Variants in CACHD1 observed in about 807,000 individuals in gnomAD.
CACHD1 encodes the protein VWFA and cache domain-containing protein 1.
In CACHD1, 71 loss-of-function variants were observed where a neutral mutation model predicts 138.7. That is an observed-to-expected ratio of 0.51 (90% CI 0.42 to 0.62). CACHD1 has a LOEUF of 0.62. CACHD1 is among the 20% of genes least tolerant of loss of function. CACHD1 has a pLI of 0.00. For missense variants in CACHD1, 1,389 were observed against 1,625.3 expected, an observed-to-expected ratio of 0.85 and a Z score of 2.50; for synonymous variants, 578 against 591.5, an observed-to-expected ratio of 0.98 and a Z score of 0.33.
At chr1:64,662,694 A>G (rs1355523728) in intron 13 of CACHD1, among the ~76,000 whole-genome samples, 1 of 152,212 alleles carries the variant, frequency 6.6e-6, no homozygotes, top group Non-Finnish European at 1.5e-5. Context: ...TCAAAGACGA[A>G]GATTTAGTGT....
intron 4 of CACHD1, among the ~76,000 whole-genome samples, chr1:64,610,427 G>T (rs1276715263): frequency 1.3e-5 from 2 of 152,202 alleles, no homozygotes; most frequent in Non-Finnish European, 2.9e-5. Context: ...TTACTTCCTA[G>T]ATACAATGGG....
chr1:64,534,235 A>G (rs893224948), intron 1 of CACHD1, among the ~76,000 whole-genome samples: 3 of 151,516 alleles, frequency 2.0e-5, no homozygotes, highest in African/African-American at 7.3e-5. Context: ...GTAGAAACAG[A>G]GTTTCACCAT....
intron 3 of CACHD1, among the ~76,000 whole-genome samples, chr1:64,583,776 A>T (rs1647030291): frequency 6.6e-6 from 1 of 152,148 alleles, no homozygotes; most frequent in African/African-American, 2.4e-5. Flanking sequence ...GGCAGGAAAG[A>T]GTGTGTACAG....
intron 12 of CACHD1, among the ~76,000 whole-genome samples, chr1:64,656,573 A>G (rs1338858395): frequency 6.6e-6 from 1 of 152,150 alleles, no homozygotes; most frequent in Non-Finnish European, 1.5e-5. Context: ...AAATGTAGGC[A>G]TTTGTCTGAC....
chr1:64,690,943 T>C (rs988205740), intron 26 of CACHD1, among the ~76,000 whole-genome samples: 2 of 152,198 alleles, frequency 1.3e-5, no homozygotes, highest in African/African-American at 2.4e-5. Context: ...ATCTTTATCA[T>C]AGGTAAAAGT....
chr1:64,603,099 C>CTTTTTTTTTTTTTTTTTTTTTTTTTTTTT (rs34372401), intron 4 of CACHD1, among the ~76,000 whole-genome samples, 187 bp downstream of exon 4: 1 of 64,896 alleles, frequency 1.5e-5, no homozygotes. Context: ...AAGCTTACAT[C>CTTTTTTTTTTTTTTTTTTTTTTTTTTTTT]TTTTTTTTTT....
chr1:64,598,484 G>A (rs950479376), intron 3 of CACHD1, among the ~76,000 whole-genome samples: 2 of 152,150 alleles, frequency 1.3e-5, no homozygotes, highest in Non-Finnish European at 2.9e-5. Flanking sequence ...GCCCTTTCTC[G>A]TTACTCAGTC....
intron 4 of CACHD1, among the ~76,000 whole-genome samples, chr1:64,622,225 T>C (rs1009038528): frequency 1.3e-5 from 2 of 152,228 alleles, no homozygotes; most frequent in East Asian, 1.9e-4. Context: ...TTCTCAGTTA[T>C]ATAAAAACCC....
chr1:64,603,099 C>CTTTTTTTTTTTTTTTTTTTTTTT, intron 4 of CACHD1, among the ~76,000 whole-genome samples, 187 bp downstream of exon 4: 1 of 64,896 alleles, frequency 1.5e-5, no homozygotes, highest in Non-Finnish European at 3.0e-5. Flanking sequence ...AAGCTTACAT[C>CTTTTTTTTTTTTTTTTTTTTTTT]TTTTTTTTTT....
intron 1 of CACHD1, among the ~76,000 whole-genome samples, chr1:64,544,915 A>G (rs1455279267): frequency 1.3e-5 from 2 of 152,190 alleles, no homozygotes; most frequent in African/African-American, 4.8e-5. Context: ...CTGGAGAACT[A>G]AGCAATATTG....
At chr1:64,669,485 T>G (rs923573213) in intron 16 of CACHD1, among the ~76,000 whole-genome samples, 1 of 152,202 alleles carries the variant, frequency 6.6e-6, no homozygotes, top group Non-Finnish European at 1.5e-5. Flanking sequence ...CAGTTACTCA[T>G]AGTAAGCTTT....
chr1:64,517,835 A>G (rs1280944985), intron 1 of CACHD1, among the ~76,000 whole-genome samples: 1 of 152,176 alleles, frequency 6.6e-6, no homozygotes, highest in East Asian at 1.9e-4. Flanking sequence ...TTTACACTTG[A>G]AAAGTATATT....
rs187757948 is a variant in CACHD1, at chr1:64,529,728, A to G, written c.199-20866A>G. On this transcript the variant is annotated intron_variant, in intron 1 of 26. Coordinates refer to ENST00000651257, the MANE Select transcript of CACHD1 (RefSeq NM_020925.4). ...AGCAGAGCTGGGATTTGAATCCACA[A>G]CTGCCTTTGGTCCTTGTATCCATAT... Among the ~76,000 whole-genome samples, 34 of 152,292 alleles carry G rather than the reference A, an allele frequency of 2.2e-4. No individual in the cohort carries two copies. The East Asian group carries it at 5.8e-3, about 26-fold the overall frequency.
intron 8 of CACHD1, among the ~76,000 whole-genome samples, chr1:64,642,773 G>A (rs150537532): frequency 1.2e-4 from 18 of 150,532 alleles, no homozygotes; most frequent in East Asian, 2.0e-4. Context: ...GGCTGGACAC[G>A]GTGATTCACG....
At chr1:64,650,514 G>A (rs1224319056) in intron 9 of CACHD1, among the ~76,000 whole-genome samples, 1 of 152,180 alleles carries the variant, frequency 6.6e-6, no homozygotes, top group Non-Finnish European at 1.5e-5. Context: ...CATTCTAAAT[G>A]TGAACTGCTT....
chr1:64,489,587 A>T (rs1646262234), intron 1 of CACHD1, among the ~76,000 whole-genome samples: 2 of 152,186 alleles, frequency 1.3e-5, no homozygotes, highest in Admixed American at 6.5e-5. Context: ...CTCTTTTGCT[A>T]TCCTTCTGAA....
At position 64,578,463 on chromosome 1, in the gene CACHD1, G is replaced by C. The variant is rs577798796; in HGVS notation, c.262-3693G>C. Among the ~76,000 whole-genome samples, 9 of 152,314 alleles carry C rather than the reference G, an allele frequency of 5.9e-5. No individual in the cohort carries two copies. In the South Asian group the frequency reaches 1.7e-3, roughly 28 times the overall value. On this transcript the variant is annotated intron_variant, in intron 2 of 26. Transcript: ENST00000651257. ...GTATATCCTAGGATGGAATTCAGCT[G>C]ATCCTGCATTTTCCAGTTTTCTGTT...
At chr1:64,615,797 T>C (rs1325027198) in intron 4 of CACHD1, among the ~76,000 whole-genome samples, 1 of 152,176 alleles carries the variant, frequency 6.6e-6, no homozygotes, top group Non-Finnish European at 1.5e-5. Flanking sequence ...TACAAATGAA[T>C]AATGTATTCC....
At position 64,673,482 on chromosome 1, in the gene CACHD1, C is replaced by T. The variant is rs756923900; in HGVS notation, c.2727+18C>T. The T allele has an allele frequency of 1.4e-5, 21 of 1,547,688 alleles. No individual in the cohort carries two copies. Among genetic ancestry groups the T allele is most frequent in the Non-Finnish European group, 3.6e-6 (4 of 1,119,920 alleles). ...GCCTTGCGGTAAGTTGATCTGATTC[C>T]TTAACACTCTCATTTTTCCATCCCA... is the stretch of plus-strand genomic sequence containing the variant. On this transcript the variant is annotated intron_variant, in intron 19 of 26. Transcript: ENST00000651257.
Sources: gnomAD v4.1 joint callset for allele counts (sites outside exome capture counted in the v4.1 genomes callset) on GRCh38, gnomAD v4.1.1 for gene constraint, MANE v1.5 for transcripts, NCBI Gene and HGNC (gene_info 2026-07-23, HGNC 2026-07-21) for gene names.